The following NUBPL variants were observed in gnomAD, a reference collection of about 807,000 sequenced individuals.
NUBPL encodes NUBP iron-sulfur cluster assembly factor, mitochondrial, also known as iron-sulfur cluster transfer protein NUBPL.
A neutral mutation model predicts 45.7 loss-of-function variants in NUBPL; 31 were observed. That is an observed-to-expected ratio of 0.68 (90% CI 0.51 to 0.92). NUBPL has a LOEUF of 0.92. Ranked by LOEUF, NUBPL falls within the 40% of genes least tolerant of loss-of-function variation. The pLI is 0.00. For synonymous variants in NUBPL, 144 were observed against 140.9 expected, an observed-to-expected ratio of 1.02 and a Z score of -0.15; for missense variants, 401 against 398.7, an observed-to-expected ratio of 1.01 and a Z score of -0.05.
At chr14:31,811,839 C>A (rs1021468259) in intron 7 of NUBPL, among the ~76,000 whole-genome samples, 1 of 152,024 alleles carries the variant, frequency 6.6e-6, no homozygotes, top group African/African-American at 2.4e-5. Flanking sequence ...TGATGCTATT[C>A]CTTTCTGTTT....
intron 6 of NUBPL, among the ~76,000 whole-genome samples, chr14:31,696,730 C>T (rs988291727): frequency 6.6e-6 from 1 of 152,134 alleles, no homozygotes; most frequent in African/African-American, 2.4e-5. Flanking sequence ...CTGATTCTGT[C>T]CATTCATATT....
At chr14:31,635,410 C>T (rs1392633693) in intron 4 of NUBPL, among the ~76,000 whole-genome samples, 14 of 151,822 alleles carry the variant, frequency 9.2e-5, no homozygotes, top group East Asian at 3.9e-4. Flanking sequence ...AGATATGCGA[C>T]GTTATTTCTG....
At chr14:31,653,612 A>G (rs1225787969) in intron 4 of NUBPL, among the ~76,000 whole-genome samples, 1 of 152,208 alleles carries the variant, frequency 6.6e-6, no homozygotes, top group African/African-American at 2.4e-5. Flanking sequence ...GTTCTTTTTC[A>G]AGATGCACTG....
chr14:31,679,963 A>G (rs1023232900), intron 6 of NUBPL, among the ~76,000 whole-genome samples: 2 of 152,122 alleles, frequency 1.3e-5, no homozygotes, highest in African/African-American at 4.8e-5. Context: ...TGTTAGATAT[A>G]TCTTTTATGT....
chr14:31,793,841 A>C (rs12589250), intron 7 of NUBPL, among the ~76,000 whole-genome samples: 74 of 64,384 alleles, frequency 1.1e-3, no homozygotes, highest in Middle Eastern at 8.3e-3. Context: ...TTTTTTTTTT[A>C]TTTTTTTTTT....
At position 31,860,351 on chromosome 14, in the gene NUBPL, C is replaced by G. The variant is rs994872636; in HGVS notation, c.*1171C>G. 1.2e-4 allele frequency: 17 copies of G among 145,698 alleles called. No individual in the cohort carries two copies. The highest frequency in any genetic ancestry group is 2.4e-4 in the Non-Finnish European group (16 of 66,496). The allele number at this position is 145,698 out of a possible 1,614,324, so 9.0% of individuals were successfully genotyped here. A position where few individuals can be genotyped will look rare whatever the true frequency, so the allele number is the denominator to read the frequency against. ...AAGTCGGGGGAGATGCAATATTTAG[C>G]ATTTCCTCAAACTTTTTTTGGCCAT... On this transcript the variant is annotated 3_prime_UTR_variant, in exon 11 of 11. Transcript: ENST00000281081.
chr14:31,787,574 C>T (rs1293445652), intron 6 of NUBPL, among the ~76,000 whole-genome samples: 2 of 152,182 alleles, frequency 1.3e-5, no homozygotes, highest in African/African-American at 4.8e-5. Flanking sequence ...GAAATTTAAA[C>T]TTGCCATTCA....
intron 6 of NUBPL, among the ~76,000 whole-genome samples, chr14:31,679,614 CTGTT>C (rs1433017492): frequency 6.6e-6 from 1 of 152,110 alleles, no homozygotes; most frequent in African/African-American, 2.4e-5. Flanking sequence ...CTCCATTGAT[CTGTT>C]TGTTTAATCC....
chr14:31,639,010 A>G (rs2035597616), intron 4 of NUBPL, among the ~76,000 whole-genome samples: 1 of 151,792 alleles, frequency 6.6e-6, no homozygotes, highest in Non-Finnish European at 1.5e-5. Context: ...AAAGTTTTTC[A>G]CTTCTTTGCC....
chr14:31,818,834 T>G (rs1374687375), intron 7 of NUBPL, among the ~76,000 whole-genome samples: 1 of 152,168 alleles, frequency 6.6e-6, no homozygotes, highest in African/African-American at 2.4e-5. Context: ...AGGCGTGAGC[T>G]GCCGTGCCCA....
At chr14:31,639,623 A>G (rs1405814965) in intron 4 of NUBPL, among the ~76,000 whole-genome samples, 1 of 152,194 alleles carries the variant, frequency 6.6e-6, no homozygotes, top group Non-Finnish European at 1.5e-5. Context: ...GATATCAGAC[A>G]GGGACATTTA....
At chr14:31,821,625 G>C (rs1323480331) in intron 7 of NUBPL, among the ~76,000 whole-genome samples, 1 of 152,196 alleles carries the variant, frequency 6.6e-6, no homozygotes, top group Non-Finnish European at 1.5e-5. Flanking sequence ...GAACAGTTTC[G>C]AGGTTCCTCA....
At chr14:31,818,741 G>T (rs577600531) in intron 7 of NUBPL, among the ~76,000 whole-genome samples, 1 of 152,016 alleles carries the variant, frequency 6.6e-6, no homozygotes, top group African/African-American at 2.4e-5. Context: ...GTAGAAATGG[G>T]GTTTCACCGT....
intron 4 of NUBPL, among the ~76,000 whole-genome samples, chr14:31,605,770 CCTTCTT>C (rs368434060): frequency 1.1e-3 from 161 of 150,562 alleles, no homozygotes; most frequent in Non-Finnish European, 1.6e-3. Context: ...TTCTCCTTCT[CCTTCTT>C]CTTCTTCTTT....
chr14:31,581,202 CTTTTTTTTT>C (rs751566032), intron 3 of NUBPL, among the ~76,000 whole-genome samples: 1 of 103,324 alleles, frequency 9.7e-6, no homozygotes, highest in Admixed American at 9.6e-5. Context: ...AGAGATGGTT[CTTTTTTTTT>C]TTTTTTTTTT....
At chr14:31,629,276 TCTC>T (rs2035283004) in intron 4 of NUBPL, among the ~76,000 whole-genome samples, 1 of 152,158 alleles carries the variant, frequency 6.6e-6, no homozygotes, top group Non-Finnish European at 1.5e-5. Flanking sequence ...TTTTGTTTCT[TCTC>T]CTTTTATTAA....
chr14:31,564,941 A>T lies in NUBPL; in HGVS notation c.257-73A>T, dbSNP rs3759779. 399,596 of 780,684 alleles carry T rather than the reference A, an allele frequency of 0.51. 104,881 individuals are homozygous for T. The highest frequency in any genetic ancestry group is 0.57 in the East Asian group (21,226 of 37,020). 48.4% of individuals were successfully genotyped at this position (780,684 alleles called of 1,614,324 possible). On this transcript the variant is annotated intron_variant, in intron 2 of 10. Transcript: ENST00000281081. ...ATGAAATTATTAAAAATTACATGAA[A>T]ATATTAAAAGATAAAATGAATTTTA...
intron 6 of NUBPL, among the ~76,000 whole-genome samples, chr14:31,741,768 A>G (rs1037095340): frequency 6.6e-6 from 1 of 151,944 alleles, no homozygotes; most frequent in Non-Finnish European, 1.5e-5. Flanking sequence ...TTCTACATGG[A>G]TAAATTGTGG....
At chr14:31,658,951 A>G (rs2036206327) in intron 4 of NUBPL, among the ~76,000 whole-genome samples, 1 of 152,208 alleles carries the variant, frequency 6.6e-6, no homozygotes, top group Non-Finnish European at 1.5e-5. Flanking sequence ...GCATAAAAAG[A>G]TAAATAATCA....
Sources: allele counts gnomAD v4.1 joint callset (sites outside exome capture counted in the v4.1 genomes callset), GRCh38; gene constraint gnomAD v4.1.1; transcripts MANE v1.5; gene names NCBI Gene and HGNC (gene_info 2026-07-23, HGNC 2026-07-21).